Variants in FANCD2OS observed in about 807,000 individuals in gnomAD.
FANCD2OS encodes FANCD2 opposite strand.
A neutral mutation model predicts 13.2 loss-of-function variants in FANCD2OS; 11 were observed. The ratio of observed to expected loss-of-function variants is 0.83; its 90% confidence interval spans 0.52 to 1.38. The LOEUF (loss-of-function observed/expected upper bound fraction) is 1.38. FANCD2OS is among the 40% of genes most tolerant of loss of function. FANCD2OS has a pLI of 0.00. For synonymous variants in FANCD2OS, 69 were observed against 84.5 expected (o/e 0.82, Z 1.01); for missense variants, 217 against 213.9 (o/e 1.01, Z -0.09).
chr3:10,103,654 T>A (rs1695387830), downstream of FANCD2OS, among the ~76,000 whole-genome samples: 1 of 152,196 alleles, frequency 6.6e-6, no homozygotes, highest in South Asian at 2.1e-4. Flanking sequence ...CCATGTAGCC[T>A]ACCAGAAAGC....
chr3:10,084,372 A>G (rs1694049423), intron 2 of FANCD2OS, among the ~76,000 whole-genome samples: 1 of 149,996 alleles, frequency 6.7e-6, no homozygotes, highest in Non-Finnish European at 1.5e-5. Flanking sequence ...GCTCACTGCA[A>G]CCTCTGACTC....
intron 2 of FANCD2OS, among the ~76,000 whole-genome samples, chr3:10,093,892 C>T (rs1208296852): frequency 6.6e-6 from 1 of 152,124 alleles, no homozygotes; most frequent in African/African-American, 2.4e-5. Context: ...GGGAGATGGG[C>T]AAGTTGGAGA....
At chr3:10,090,240 G>C in intron 2 of FANCD2OS, 1 of 1,360,232 alleles carries the variant, frequency 7.4e-7, no homozygotes, top group Non-Finnish European at 1.1e-6. Flanking sequence ...TTCCCAGGTA[G>C]TTCTAAGCAG....
intron 2 of FANCD2OS, chr3:10,094,785 C>T (rs1168445657): frequency 3.2e-6 from 1 of 309,412 alleles, no homozygotes; most frequent in African/African-American, 2.1e-5. Context: ...TAGCCAATGG[C>T]ATCCAGGGCT....
At chr3:10,087,131 C>G in intron 2 of FANCD2OS, 1 of 1,614,072 alleles carries the variant, frequency 6.2e-7, no homozygotes, top group Non-Finnish European at 8.5e-7. Context: ...TGTCTCCTTA[C>G]AGCCAGAGCG....
At chr3:10,101,567 G>A, downstream of FANCD2OS, 1 of 409,060 alleles carries the variant, frequency 2.4e-6, no homozygotes, top group Non-Finnish European at 4.6e-6. Context: ...TGTATTTTTA[G>A]TAGATACGGG....
chr3:10,089,537 T>C (rs1391344323), intron 2 of FANCD2OS, among the ~76,000 whole-genome samples: 2 of 152,020 alleles, frequency 1.3e-5, no homozygotes, highest in African/African-American at 4.8e-5. Flanking sequence ...TGGCGTAATC[T>C]CAGCTCACTG....
At chr3:10,094,242 C>T in intron 2 of FANCD2OS, 1 of 1,473,344 alleles carries the variant, frequency 6.8e-7, no homozygotes, top group Non-Finnish European at 9.5e-7. Context: ...AGGGGCCTTT[C>T]AGTGAGATAC....
At chr3:10,083,288 T>C (rs1236302795) in intron 2 of FANCD2OS, among the ~76,000 whole-genome samples, 1 of 152,028 alleles carries the variant, frequency 6.6e-6, no homozygotes, top group Non-Finnish European at 1.5e-5. Context: ...AAACCATCTC[T>C]AAAAATTATA....
intron 2 of FANCD2OS, among the ~76,000 whole-genome samples, chr3:10,086,144 C>T (rs989180585): frequency 6.6e-6 from 1 of 152,174 alleles, no homozygotes. Flanking sequence ...ATGCATCAGC[C>T]CATAAACTCA....
intron 2 of FANCD2OS, chr3:10,085,761 C>A: frequency 8.7e-7 from 1 of 1,146,444 alleles, no homozygotes; most frequent in Non-Finnish European, 1.3e-6. Flanking sequence ...AAATACTATC[C>A]AAGTAGTTTT....
chr3:10,105,430 A>C (rs1431110570), intron 1 of FANCD2OS, among the ~76,000 whole-genome samples: 1 of 152,056 alleles, frequency 6.6e-6, no homozygotes, highest in Non-Finnish European at 1.5e-5. Context: ...ACTTGAGATT[A>C]GAAGAAGCTC....
chr3:10,090,401 G>T, intron 2 of FANCD2OS: 1 of 1,395,984 alleles, frequency 7.2e-7, no homozygotes, highest in Non-Finnish European at 1.0e-6. Context: ...TAAGATAATA[G>T]TCACTTCAAG....
chr3:10,107,777 G>C (rs1559416022), intron 1 of FANCD2OS, among the ~76,000 whole-genome samples: 1 of 151,936 alleles, frequency 6.6e-6, no homozygotes, highest in African/African-American at 2.4e-5. Flanking sequence ...AACATGGGAC[G>C]AGAGCGCTTC....
At chr3:10,100,841 AG>A (rs1381812872), downstream of FANCD2OS, among the ~76,000 whole-genome samples, 1 of 152,134 alleles carries the variant, frequency 6.6e-6, no homozygotes, top group Non-Finnish European at 1.5e-5. Context: ...AGGCTGAGGC[AG>A]GCAGATCACC....
chr3:10,105,509 G>C (rs1167089367), intron 1 of FANCD2OS, among the ~76,000 whole-genome samples: 1 of 151,750 alleles, frequency 6.6e-6, no homozygotes, highest in Non-Finnish European at 1.5e-5. Flanking sequence ...CCAGCACTTT[G>C]GGAGGCTGAG....
At chr3:10,094,221 T>C in intron 2 of FANCD2OS, 1 of 1,156,054 alleles carries the variant, frequency 8.7e-7, no homozygotes, top group Non-Finnish European at 1.3e-6. Context: ...TGGATGAGAC[T>C]ATTCTGCCTC....
At chr3:10,099,664 A>C (rs1695188390), downstream of FANCD2OS, 1 of 153,408 alleles carries the variant, frequency 6.5e-6, no homozygotes, top group Non-Finnish European at 1.5e-5. Flanking sequence ...AGGCTGAGGC[A>C]GGAGAATCAC....
downstream of FANCD2OS, among the ~76,000 whole-genome samples, chr3:10,102,327 T>C (rs1050188006): frequency 6.6e-6 from 1 of 151,574 alleles, no homozygotes; most frequent in Admixed American, 6.6e-5. Flanking sequence ...TATTTTTTAG[T>C]AGAGACAGGG....
Sources: allele counts gnomAD v4.1 joint callset (sites outside exome capture counted in the v4.1 genomes callset), GRCh38; gene constraint gnomAD v4.1.1; transcripts MANE v1.5; gene names NCBI Gene and HGNC (gene_info 2026-07-23, HGNC 2026-07-21).